Variants in DNMT3A observed in about 807,000 individuals in gnomAD.
The protein encoded by DNMT3A is DNA methyltransferase 3 alpha, also known as DNA (cytosine-5)-methyltransferase 3A.
In DNMT3A, 267 loss-of-function variants were observed where a neutral mutation model predicts 117.6. The observed-to-expected ratio is 2.27, with a 90% confidence interval of 2.05 to 2.51. DNMT3A has a LOEUF of 2.51. Among genes scored for constraint, DNMT3A ranks in the 30% most tolerant of loss-of-function variants. The pLI is 0.00. For synonymous variants in DNMT3A, 432 were observed against 474.8 expected (o/e 0.91, Z 1.17); for missense variants, 1,029 against 1,260.2 (o/e 0.82, Z 2.78).
chr2:25,314,306 C>T (rs987568428), intron 1 of DNMT3A, 145 bp from the exon 2 acceptor site: 1 of 1,186,084 alleles, frequency 8.4e-7, no homozygotes, highest in Non-Finnish European at 1.0e-6. Context: ...AGCAGAGAAA[C>T]CGAGGCAGGC....
chr2:25,239,570 C>T (rs1038571722), intron 19 of DNMT3A: 8 of 537,196 alleles, frequency 1.5e-5, no homozygotes, highest in South Asian at 3.1e-5. Context: ...TGTAAACAGC[C>T]GCATGTGGCT....
chr2:25,302,929 C>T (rs1364876358), intron 2 of DNMT3A, among the ~76,000 whole-genome samples: 4 of 152,192 alleles, frequency 2.6e-5, no homozygotes, highest in Admixed American at 6.5e-5. Context: ...TTCCTAGTTA[C>T]AGGAGCAGCC....
intron 6 of DNMT3A, among the ~76,000 whole-genome samples, chr2:25,273,611 CA>C (rs957592930): frequency 2.0e-5 from 3 of 152,176 alleles, no homozygotes; most frequent in African/African-American, 4.8e-5. Context: ...ACATACAAGA[CA>C]GCTCAAAAAT....
intron 1 of DNMT3A, among the ~76,000 whole-genome samples, chr2:25,323,735 C>T (rs1004903542): frequency 2.6e-5 from 4 of 152,344 alleles, no homozygotes; most frequent in Middle Eastern, 3.4e-3. Flanking sequence ...GGCCTTCGCT[C>T]AGGCAGGAGC....
intron 3 of DNMT3A, among the ~76,000 whole-genome samples, chr2:25,299,287 GCTGGCC>G (rs1231212406): frequency 6.6e-6 from 1 of 152,184 alleles, no homozygotes; most frequent in Non-Finnish European, 1.5e-5. Context: ...TGGCGCTGGG[GCTGGCC>G]CTGCAGCCTA....
chr2:25,287,774 T>A (rs2032426682), intron 3 of DNMT3A, among the ~76,000 whole-genome samples: 1 of 148,284 alleles, frequency 6.7e-6, no homozygotes, highest in East Asian at 2.0e-4. Flanking sequence ...ATGGCAATAA[T>A]GTCTTTGAAA....
In DNMT3A at chr2:25,284,200, C is replaced by T. The variant is rs114894940; in HGVS notation, c.178-1489G>A. On this transcript the variant is annotated intron_variant, in intron 3 of 22. Transcript: ENST00000321117. ...CCCAGTAGAAAGGCAGGGACAGCAT[C>T]AGCACGGCAAGCCTCAGATAAGGAA... is the stretch of plus-strand genomic sequence containing the variant. 3.4e-3 allele frequency among the ~76,000 whole-genome samples: 513 copies of T among 152,308 alleles called. 1 individual carries two copies. The highest frequency in any genetic ancestry group is 0.012 in the African/African-American group (480 of 41,578).
intron 1 of DNMT3A, among the ~76,000 whole-genome samples, chr2:25,329,752 G>A (rs193265569): frequency 2.0e-4 from 30 of 151,636 alleles, no homozygotes; most frequent in African/African-American, 7.3e-4. Flanking sequence ...CACACACAGA[G>A]ATATACCTAG....
chr2:25,264,647 A>G (rs1476945529), intron 6 of DNMT3A, among the ~76,000 whole-genome samples: 1 of 151,590 alleles, frequency 6.6e-6, no homozygotes, highest in Non-Finnish European at 1.5e-5. Flanking sequence ...TATTTTTAGT[A>G]GAGAGGGGGT....
intron 2 of DNMT3A, among the ~76,000 whole-genome samples, chr2:25,307,818 G>A (rs934612): frequency 0.43 from 64,564 of 151,838 alleles, 14,317 homozygotes; most frequent in Non-Finnish European, 0.5. Context: ...GGCCCTGGGC[G>A]ACTCACCTTA....
intron 6 of DNMT3A, among the ~76,000 whole-genome samples, chr2:25,251,165 T>A: frequency 1.8e-4 from 4 of 21,644 alleles, no homozygotes; most frequent in African/African-American, 1.9e-4. Context: ...GGGGGGGGGG[T>A]GGGTGAGCAG....
chr2:25,272,805 T>C (rs1014672818), intron 6 of DNMT3A, among the ~76,000 whole-genome samples: 9 of 144,892 alleles, frequency 6.2e-5, no homozygotes, highest in East Asian at 2.0e-4. Context: ...CACTTTCTCT[T>C]TTTTTTTTTT....
In DNMT3A at chr2:25,311,207, G is replaced by C. The variant is rs2034097359; in HGVS notation, c.72+2706C>G. Reference sequence around the variant, plus strand: ...CAGGCAGTGGAAGGGCCATTGGTTGGCCACACCCCTTCCATCTGGCTTGCC... The same window carrying C: ...CAGGCAGTGGAAGGGCCATTGGTTGCCCACACCCCTTCCATCTGGCTTGCC... On this transcript the variant is annotated intron_variant, in intron 2 of 22. Transcript: ENST00000321117. The surrounding 1 kb of genome is among the most constrained non-coding windows in gnomAD (Gnocchi z 5.2). Among the ~76,000 whole-genome samples, 1 of 152,094 alleles carries C rather than the reference G, an allele frequency of 6.6e-6. No homozygotes were observed. Among genetic ancestry groups the C allele is most frequent in the African/African-American group, 2.4e-5 (1 of 41,410 alleles).
At chr2:25,336,498 C>A (rs2035221991) in intron 1 of DNMT3A, among the ~76,000 whole-genome samples, 1 of 152,084 alleles carries the variant, frequency 6.6e-6, no homozygotes, top group Non-Finnish European at 1.5e-5. Context: ...GTCACAACCC[C>A]CTGGGGTCAG....
chr2:25,331,843 C>G (rs1185523972), intron 1 of DNMT3A, among the ~76,000 whole-genome samples: 1 of 151,774 alleles, frequency 6.6e-6, no homozygotes, highest in East Asian at 1.9e-4. Context: ...CACCCGCCCT[C>G]AAGCCCCAGC....
Position 25,248,616 on chromosome 2 carries a change from C to A in DNMT3A, c.640-364G>T, listed in dbSNP as rs561034052. Among the ~76,000 whole-genome samples, 6 of 152,136 alleles carry A rather than the reference C, an allele frequency of 3.9e-5. No individual in the cohort carries two copies. The East Asian group carries it at 1.2e-3, about 29-fold the overall frequency. On this transcript the variant is annotated intron_variant, in intron 6 of 22. Transcript: ENST00000321117. ...AGGCTGGAGTGCAGTGGCGCAATCT[C>A]GGCTCACTGCAACCTCCACCTCCCA...
intron 4 of DNMT3A, among the ~76,000 whole-genome samples, chr2:25,278,690 G>A (rs1308738089): frequency 2.6e-5 from 4 of 152,206 alleles, no homozygotes; most frequent in Admixed American, 1.3e-4. Context: ...ACCAGGTATG[G>A]TGGCTGGCGC....
Position 25,281,330 on chromosome 2 carries a change from C to T in DNMT3A, c.448+1111G>A, listed in dbSNP as rs2031872822. The T allele has an allele frequency of 1.5e-6, 1 of 659,206 alleles. No homozygotes were observed. Among genetic ancestry groups the T allele is most frequent in the Non-Finnish European group, 1.9e-6 (1 of 523,490 alleles). 40.8% of individuals were successfully genotyped at this position (659,206 alleles called of 1,614,324 possible). A position where few individuals can be genotyped will look rare whatever the true frequency, so the allele number is the denominator to read the frequency against. ...TCCTGAAATGAGGATAATCATATCT[C>T]TTGAATAAGATTGTTAGAGGAGTAA... On this transcript the variant is annotated intron_variant, in intron 4 of 22. Transcript: ENST00000321117. This position sits in a 1 kb window ranked among gnomAD's most constrained non-coding sequence, Gnocchi z 4.8.
intron 2 of DNMT3A, among the ~76,000 whole-genome samples, chr2:25,312,111 G>A (rs1033569281): frequency 6.6e-6 from 1 of 152,120 alleles, no homozygotes; most frequent in East Asian, 1.9e-4. Context: ...TCAGGACATC[G>A]GACCCAGAGT....
Sources: allele counts gnomAD v4.1 joint callset (sites outside exome capture counted in the v4.1 genomes callset), GRCh38; gene constraint gnomAD v4.1.1; non-coding constraint Gnocchi (gnomAD v3.1); transcripts MANE v1.5; gene names NCBI Gene and HGNC (gene_info 2026-07-23, HGNC 2026-07-21).